FAM110B: variants seen among roughly 807,000 people sequenced by gnomAD.
FAM110B encodes the protein protein FAM110B.
Under a neutral mutation model 20.4 loss-of-function variants are expected in FAM110B, and 6 were observed. The ratio of observed to expected loss-of-function variants is 0.29; its 90% CI spans 0.16 to 0.58. The LOEUF (loss-of-function observed/expected upper bound fraction) is 0.58. Ranked by LOEUF, FAM110B falls within the 20% of genes least tolerant of loss-of-function variation. The pLI is 0.90. For synonymous variants in FAM110B, 226 were observed against 214.1 expected, an observed-to-expected ratio of 1.06 and a Z score of -0.49; for missense variants, 434 against 498.2, an observed-to-expected ratio of 0.87 and a Z score of 1.23.
At chr8:58,136,523 T>C (rs1803620215) in intron 3 of FAM110B, among the ~76,000 whole-genome samples, 1 of 152,220 alleles carries the variant, frequency 6.6e-6, no homozygotes, top group Admixed American at 6.5e-5. Flanking sequence ...ATTCTTATTG[T>C]ATTTGCGTAA....
At chr8:58,047,591 C>CCTCCCTCTCTCTCTCTCTCTCT (rs1554519118) in intron 2 of FAM110B, among the ~76,000 whole-genome samples, 1 of 74,646 alleles carries the variant, frequency 1.3e-5, no homozygotes, top group African/African-American at 4.1e-5. Context: ...CTTCCTTTTT[C>CCTCCCTCTCTCTCTCTCTCTCT]CTCTCTCTCT....
chr8:58,058,073 A>G (rs1330710801), intron 2 of FAM110B, among the ~76,000 whole-genome samples: 2 of 152,150 alleles, frequency 1.3e-5, no homozygotes, highest in African/African-American at 4.8e-5. Flanking sequence ...ATTGTTTTTT[A>G]CATTCTCTAC....
chr8:58,010,934 G>A (rs1460331704), intron 1 of FAM110B, among the ~76,000 whole-genome samples: 1 of 152,186 alleles, frequency 6.6e-6, no homozygotes, highest in Non-Finnish European at 1.5e-5. Flanking sequence ...AAATTATCGT[G>A]ACACTGTTCT....
intron 3 of FAM110B, among the ~76,000 whole-genome samples, chr8:58,127,414 T>C (rs1209185795): frequency 1.3e-5 from 2 of 152,252 alleles, no homozygotes; most frequent in Non-Finnish European, 2.9e-5. Context: ...TAGCATAATC[T>C]TGCATAAGCT....
At chr8:58,112,130 C>T (rs1807072635) in intron 3 of FAM110B, among the ~76,000 whole-genome samples, 1 of 152,046 alleles carries the variant, frequency 6.6e-6, no homozygotes, top group Non-Finnish European at 1.5e-5. Flanking sequence ...TTGAGACTAG[C>T]CTGGCCAACA....
intron 2 of FAM110B, among the ~76,000 whole-genome samples, chr8:58,069,582 T>G (rs1382070025): frequency 6.6e-6 from 1 of 152,242 alleles, no homozygotes; most frequent in African/African-American, 2.4e-5. Context: ...AGATCCCTTT[T>G]CTGTCCCTTA....
intron 1 of FAM110B, among the ~76,000 whole-genome samples, chr8:58,018,736 G>A (rs1205615700): frequency 1.3e-5 from 2 of 150,960 alleles, no homozygotes; most frequent in African/African-American, 2.4e-5. Flanking sequence ...GTAATTTTTC[G>A]CATTTTATTT....
At chr8:58,003,247 T>C (rs1003149233) in intron 1 of FAM110B, among the ~76,000 whole-genome samples, 19 of 152,336 alleles carry the variant, frequency 1.2e-4, no homozygotes, top group African/African-American at 4.6e-4. Flanking sequence ...CAGGCTCCGC[T>C]TGTAACTCTA....
chr8:57,997,174 G>A lies in FAM110B; in HGVS notation c.-512+2368G>A, dbSNP rs1190632279. ...GGCAGTAGATGGTGCTGTGGACAAG[G>A]CTGGTGGAGGAGGCATATGTATGGT... is the stretch of plus-strand genomic sequence containing the variant. On this transcript the variant is annotated intron_variant, in intron 1 of 3. Transcript: ENST00000519262. Among the ~76,000 whole-genome samples the A allele has an allele frequency of 2.0e-5, 3 of 152,170 alleles. No homozygotes were observed. In the East Asian group the frequency reaches 5.8e-4, roughly 29 times the overall value.
chr8:58,103,328 C>G (rs1200426973), intron 3 of FAM110B, among the ~76,000 whole-genome samples: 1 of 138,240 alleles, frequency 7.2e-6, no homozygotes, highest in Non-Finnish European at 1.6e-5. Flanking sequence ...CCCCCTCCCT[C>G]CACCCCACAA....
chr8:58,114,112 C>G (rs1296698072), intron 3 of FAM110B, among the ~76,000 whole-genome samples: 1 of 152,114 alleles, frequency 6.6e-6, no homozygotes, highest in Non-Finnish European at 1.5e-5. Flanking sequence ...AACAATCACT[C>G]AAGGGCTAAT....
At chr8:58,085,190 C>T (rs1042940534) in intron 3 of FAM110B, among the ~76,000 whole-genome samples, 3 of 152,192 alleles carry the variant, frequency 2.0e-5, no homozygotes, top group Non-Finnish European at 4.4e-5. Flanking sequence ...TGCCCCCTTC[C>T]TTTAATCAAC....
chr8:58,085,177 T>A (rs1055706420), intron 3 of FAM110B, among the ~76,000 whole-genome samples: 6 of 152,164 alleles, frequency 3.9e-5, no homozygotes, highest in African/African-American at 1.4e-4. Flanking sequence ...TTTGTGGGGG[T>A]CATGCCCCCT....
At chr8:58,138,076 A>G (rs1451141408) in intron 3 of FAM110B, among the ~76,000 whole-genome samples, 2 of 152,208 alleles carry the variant, frequency 1.3e-5, no homozygotes, top group Non-Finnish European at 1.5e-5. Context: ...CAGACCCTGC[A>G]TTGCGTAATG....
intron 2 of FAM110B, chr8:58,032,665 C>T (rs931200893): frequency 1.3e-5 from 2 of 152,142 alleles, no homozygotes; most frequent in Non-Finnish European, 2.9e-5. Context: ...ACTGGCACAC[C>T]TATGCACTTG....
At chr8:58,046,005 G>A (rs917454827) in intron 2 of FAM110B, among the ~76,000 whole-genome samples, 3 of 152,130 alleles carry the variant, frequency 2.0e-5, no homozygotes, top group African/African-American at 7.2e-5. Context: ...TTTTCTAAGA[G>A]CCTGATCAAA....
intron 2 of FAM110B, among the ~76,000 whole-genome samples, chr8:58,066,040 G>A (rs1458624849): frequency 2.0e-5 from 3 of 152,150 alleles, no homozygotes; most frequent in Admixed American, 1.3e-4. Flanking sequence ...TGAGAACCAT[G>A]TTCTGGCCCC....
At chr8:58,091,363 G>A (rs1806472975) in intron 3 of FAM110B, 1 of 152,064 alleles carries the variant, frequency 6.6e-6, no homozygotes, top group African/African-American at 2.4e-5. Context: ...CCTTACCCAA[G>A]CACAGGCAGA....
intron 2 of FAM110B, among the ~76,000 whole-genome samples, chr8:58,068,453 C>T (rs1367774781): frequency 6.6e-6 from 1 of 152,194 alleles, no homozygotes; most frequent in Non-Finnish European, 1.5e-5. Context: ...TGTTTCCCAA[C>T]AGTTTGTGGT....
Sources: gnomAD v4.1 joint callset for allele counts (sites outside exome capture counted in the v4.1 genomes callset) on GRCh38, gnomAD v4.1.1 for gene constraint, MANE v1.5 for transcripts, NCBI Gene and HGNC (gene_info 2026-07-23, HGNC 2026-07-21) for gene names.